The following LINC00632 variants were observed in gnomAD, a reference collection of about 807,000 sequenced individuals.
LINC00632 encodes ALDOA related specific transcript.
At chrX:140,752,933 C>A (rs1931431675) in intron 3 of LINC00632, among the ~76,000 whole-genome samples, 1 of 111,045 alleles carries the variant, frequency 9.0e-6, no homozygotes, top group African/African-American at 3.3e-5. Flanking sequence ...ATCAAATAAG[C>A]CTGCTACAAC....
chrX:140,765,522 A>G (rs1209391150), intron 3 of LINC00632, among the ~76,000 whole-genome samples: 1 of 112,101 alleles, frequency 8.9e-6, no homozygotes, highest in Non-Finnish European at 1.9e-5. Flanking sequence ...CGGCTTTTGG[A>G]ATTGTTTTTC....
intron 3 of LINC00632, among the ~76,000 whole-genome samples, chrX:140,741,617 C>T (rs758453851): frequency 8.9e-6 from 1 of 111,865 alleles, no homozygotes; most frequent in East Asian, 2.8e-4. Flanking sequence ...TTTCCTGTTA[C>T]CCAGAAGAGA....
chrX:140,788,142 C>CA (rs940121886), exon 5 of LINC00632, among the ~76,000 whole-genome samples: 37 of 102,196 alleles, frequency 3.6e-4, no homozygotes, highest in South Asian at 8.4e-4. Context: ...TATTAAAAAG[C>CA]AAAAAAAAAA....
chrX:140,727,352 C>T (rs1020038916), intron 2 of LINC00632, among the ~76,000 whole-genome samples: 5 of 111,923 alleles, frequency 4.5e-5, no homozygotes, highest in Non-Finnish European at 9.4e-5. Flanking sequence ...AGCGCAGTGG[C>T]GTGATCTCGG....
exon 5 of LINC00632, among the ~76,000 whole-genome samples, chrX:140,787,672 G>A (rs1401776673): frequency 9.0e-6 from 1 of 111,266 alleles, no homozygotes; most frequent in African/African-American, 3.3e-5. Context: ...AGTTGGGGTG[G>A]TTAGAAAATT....
intron 2 of LINC00632, among the ~76,000 whole-genome samples, chrX:140,723,719 T>TGCACATACACAG (rs1471033608): frequency 0.23 from 32 of 138 alleles, 1 homozygote; most frequent in African/African-American, 0.31. Context: ...ACACACGCCA[T>TGCACATACACAG]ACACACATTC....
chrX:140,722,704 C>G (rs1045153281), intron 2 of LINC00632, among the ~76,000 whole-genome samples: 12 of 111,042 alleles, frequency 1.1e-4, no homozygotes, highest in African/African-American at 3.9e-4. Context: ...AAACTCGCCC[C>G]CGCAACTCAT....
At chrX:140,778,825 C>T (rs1931904173) in exon 5 of LINC00632, among the ~76,000 whole-genome samples, 1 of 110,821 alleles carries the variant, frequency 9.0e-6, no homozygotes, top group Non-Finnish European at 1.9e-5. Context: ...TTGACTTTGG[C>T]TTGATGTATG....
exon 5 of LINC00632, among the ~76,000 whole-genome samples, chrX:140,775,297 A>G (rs1931857457): frequency 1.8e-5 from 2 of 112,264 alleles, no homozygotes; most frequent in Admixed American, 9.4e-5. Context: ...ATTTGATTCA[A>G]TTGTGTTACA....
chrX:140,744,226 T>G (rs1477183378), intron 3 of LINC00632, among the ~76,000 whole-genome samples: 1 of 110,871 alleles, frequency 9.0e-6, no homozygotes. Flanking sequence ...TCCAGCTGCT[T>G]CACAACTTGG....
exon 5 of LINC00632, among the ~76,000 whole-genome samples, chrX:140,778,410 T>A (rs1163544347): frequency 9.0e-6 from 1 of 111,081 alleles, no homozygotes; most frequent in Non-Finnish European, 1.9e-5. Flanking sequence ...ATCGAGACCA[T>A]CCTGGCCAAC....
intron 2 of LINC00632, among the ~76,000 whole-genome samples, chrX:140,727,511 TGG>T (rs1930983058): frequency 9.0e-6 from 1 of 111,403 alleles, no homozygotes; most frequent in African/African-American, 3.3e-5. Context: ...CAGGCTGGTC[TGG>T]AACTCCTGAC....
intron 2 of LINC00632, among the ~76,000 whole-genome samples, chrX:140,718,749 A>G (rs764785933): frequency 1.8e-5 from 2 of 111,993 alleles, no homozygotes; most frequent in African/African-American, 3.2e-5. Flanking sequence ...AGCATCTATC[A>G]TATAGAGTTT....
At chrX:140,734,083 A>G (rs1346912297) in intron 3 of LINC00632, 3 of 112,559 alleles carry the variant, frequency 2.7e-5, no homozygotes, top group Non-Finnish European at 5.6e-5. Context: ...TTTCTGCTAC[A>G]TATGTAGAAA....
chrX:140,741,667 CT>C (rs1931227010), intron 3 of LINC00632, among the ~76,000 whole-genome samples: 1 of 111,792 alleles, frequency 8.9e-6, no homozygotes, highest in African/African-American at 3.3e-5. Flanking sequence ...AAGGAAAGGA[CT>C]CTTTTGTCTC....
exon 5 of LINC00632, among the ~76,000 whole-genome samples, chrX:140,786,436 ACT>A (rs776209476): frequency 2.7e-5 from 3 of 111,350 alleles, no homozygotes; most frequent in Non-Finnish European, 3.8e-5. Flanking sequence ...ATTTATTGTG[ACT>A]CTGAAGAATC....
chrX:140,772,919 G>A (rs1284343310), exon 4 of LINC00632, among the ~76,000 whole-genome samples: 1 of 111,874 alleles, frequency 8.9e-6, no homozygotes, highest in East Asian at 2.8e-4. Context: ...GGTTGGGTAG[G>A]TTTAAGAAAT....
intron 1 of LINC00632, among the ~76,000 whole-genome samples, chrX:140,710,267 A>T (rs187857125): frequency 0.046 from 5,104 of 111,767 alleles, 295 homozygotes; most frequent in African/African-American, 0.16. Context: ...TCATTTTTTT[A>T]AATTAAGAAA....
At chrX:140,765,901 G>GATCT (rs1202319528) in intron 3 of LINC00632, among the ~76,000 whole-genome samples, 3 of 111,960 alleles carry the variant, frequency 2.7e-5, no homozygotes, top group Non-Finnish European at 5.6e-5. Context: ...TGAGGTAAGA[G>GATCT]GAAGATCTGT....
Sources: allele counts gnomAD v4.1 joint callset (sites outside exome capture counted in the v4.1 genomes callset), GRCh38; gene constraint gnomAD v4.1.1; transcripts MANE v1.5; gene names NCBI Gene and HGNC (gene_info 2026-07-23, HGNC 2026-07-21).